The following C1QL3 variants were observed in gnomAD, a reference collection of about 807,000 sequenced individuals.
C1QL3 encodes complement C1q like 3, also known as complement C1q-like protein 3.
C1QL3 carries 4 observed loss-of-function variants against 16.6 expected under a neutral mutation model. That is an observed-to-expected ratio of 0.24 (90% CI 0.12 to 0.55). C1QL3 has a LOEUF of 0.55. Ranked by LOEUF, C1QL3 falls within the 20% of genes least tolerant of loss-of-function variation. The probability of loss-of-function intolerance (pLI) is 0.94; values close to 1 mark genes in which losing one functional copy is unlikely to be tolerated. For synonymous variants in C1QL3, 189 were observed against 160.2 expected (o/e 1.18, Z -1.36); for missense variants, 269 against 365.6 (o/e 0.74, Z 2.16).
intron 1 of C1QL3, among the ~76,000 whole-genome samples, chr10:16,514,933 T>C (rs1226449037): frequency 2.0e-5 from 3 of 152,160 alleles, no homozygotes. Flanking sequence ...GTGGGGACCA[T>C]TCTGGCAGTC....
rs1024027219 is a variant in C1QL3, at chr10:16,520,008, G to C, written c.588+470C>G. 5.9e-5 allele frequency among the ~76,000 whole-genome samples: 9 copies of C among 152,064 alleles called. No homozygotes were observed. Among genetic ancestry groups the C allele is most frequent in the Non-Finnish European group, 1.2e-4 (8 of 68,010 alleles). On this transcript the variant is annotated intron_variant, in intron 1 of 1. Transcript: ENST00000298943. The surrounding 1 kb of genome is among the most constrained non-coding windows in gnomAD (Gnocchi z 8.3). The stretch of plus-strand genomic sequence containing the variant: ...TTGGACTCATTCCTTCGGGGCCCTT[G>C]TTTCTCCCTCCGGCCTTTGTCTACC...
rs1002774331 is a variant in C1QL3 at position 16,521,490 on chromosome 10, C to G, written c.-425G>C. 2.9e-4 allele frequency: 47 copies of G among 160,716 alleles called. No individual in the cohort carries two copies. Among genetic ancestry groups the G allele is most frequent in the Non-Finnish European group, 5.0e-4 (37 of 73,618 alleles). The allele number at this position is 160,716 out of a possible 1,614,324, so 10.0% of individuals were successfully genotyped here. On this transcript the variant is annotated 5_prime_UTR_variant, in exon 1 of 2. Coordinates refer to ENST00000298943, the MANE Select transcript of C1QL3 (RefSeq NM_001010908.2). The stretch of plus-strand genomic sequence containing the variant: ...GGCAGCTCACACTTTTATGCCGCCG[C>G]CGCCTGCGATCGACTTTTCCGTTTT...
In C1QL3 at chr10:16,520,441, T is replaced by TCCCACCCCCCCCCCCCCCCCC; in HGVS notation, c.588+36_588+37insGGGGGGGGGGGGGGGGGTGGG. On this transcript the variant is annotated intron_variant, in intron 1 of 1. Coordinates refer to ENST00000298943, the MANE Select transcript of C1QL3 (RefSeq NM_001010908.2). This position sits in a 1 kb window ranked among gnomAD's most constrained non-coding sequence, Gnocchi z 8.3. ...CCCTCTCGCCCGCACCTTCCCGCGC[T>TCCCACCCCCCCCCCCCCCCCC]CCCTCCCCGCCCTCCCCGCCGCCCG... 8.1e-7 allele frequency: 1 copy of TCCCACCCCCCCCCCCCCCCCC among 1,227,532 alleles called. No individual in the cohort carries two copies. The highest frequency in any genetic ancestry group is 1.1e-6 in the Non-Finnish European group (1 of 881,044). The allele number at this position is 1,227,532 out of a possible 1,614,324, so 76.0% of individuals were successfully genotyped here. A position where few individuals can be genotyped will look rare whatever the true frequency, so the allele number is the denominator to read the frequency against.
chr10:16,515,214 T>G (rs1836931182), intron 1 of C1QL3, among the ~76,000 whole-genome samples: 1 of 140,808 alleles, frequency 7.1e-6, no homozygotes, highest in Admixed American at 7.2e-5. Flanking sequence ...ACTCCTCTAC[T>G]ACTTACAAAG....
Position 16,514,373 on chromosome 10 carries a change from G to T in C1QL3, c.*155C>A. On this transcript the variant is annotated 3_prime_UTR_variant, in exon 2 of 2. Coordinates refer to ENST00000298943, the MANE Select transcript of C1QL3 (RefSeq NM_001010908.2). ...GATATTTTTTACATAATGTTTCTGAGTGATACAGATGTGAGTCAGGTAGCA... is the reference window on the plus strand; with the variant it reads ...GATATTTTTTACATAATGTTTCTGATTGATACAGATGTGAGTCAGGTAGCA... 1.6e-6 allele frequency: 1 copy of T among 622,226 alleles called. No homozygotes were observed. Among genetic ancestry groups the T allele is most frequent in the Non-Finnish European group, 2.8e-6 (1 of 352,574 alleles). The allele number at this position is 622,226 out of a possible 1,614,324, so 38.5% of individuals were successfully genotyped here.
rs149750807 is a variant in C1QL3, at chr10:16,520,158, G to C, written c.588+320C>G. Among the ~76,000 whole-genome samples the C allele has an allele frequency of 0.014, 2,104 of 152,210 alleles. 46 individuals are homozygous for C. The highest frequency in any genetic ancestry group is 0.048 in the African/African-American group (1,978 of 41,544). ...ACGGCCAGGGGTCGCTTCCCGCGCC[G>C]GGACTCCCCAGCGCACGAGCTGTCC... is the stretch of plus-strand genomic sequence containing the variant. On this transcript the variant is annotated intron_variant, in intron 1 of 1. Transcript: ENST00000298943. This position sits in a 1 kb window ranked among gnomAD's most constrained non-coding sequence, Gnocchi z 8.3.
At position 16,514,223 on chromosome 10, in the gene C1QL3, A is replaced by G. The variant is rs1315898794; in HGVS notation, c.*305T>C. 4.6e-6 allele frequency: 2 copies of G among 430,582 alleles called. No homozygotes were observed. The highest frequency in any genetic ancestry group is 4.1e-6 in the Non-Finnish European group (1 of 246,074). The allele number at this position is 430,582 out of a possible 1,614,324, so 26.7% of individuals were successfully genotyped here. A position where few individuals can be genotyped will look rare whatever the true frequency, so the allele number is the denominator to read the frequency against. ...AAAGTATCATATATATAGAAGAAAT[A>G]ATTCAATGTCTTAGATTTGTCTATA... On this transcript the variant is annotated 3_prime_UTR_variant, in exon 2 of 2. Coordinates refer to ENST00000298943, the MANE Select transcript of C1QL3 (RefSeq NM_001010908.2).
chr10:16,520,622 C>G lies in C1QL3; in HGVS notation c.444G>C (p.Val148=). The change falls in exon 1 of 2, where the codon GTG becomes GTC. Residue 148 remains valine (V), a synonymous_variant. Coordinates refer to ENST00000298943, the MANE Select transcript of C1QL3 (RefSeq NM_001010908.2). The surrounding 1 kb of genome is among the most constrained non-coding windows in gnomAD (Gnocchi z 8.3). Reference sequence around the variant, plus strand: ...CGTAGTGGTTTCCGAGGTTGGTGACCACGTCGTCGAACTTGAGCACCTCGT... The same window carrying G: ...CGTAGTGGTTTCCGAGGTTGGTGACGACGTCGTCGAACTTGAGCACCTCGT... ...EGYEVLKFDD[V]VTNLGNHYDP... The G allele has an allele frequency of 5.0e-6, 8 of 1,613,706 alleles. No homozygotes were observed. Among genetic ancestry groups the G allele is most frequent in the Non-Finnish European group, 6.8e-6 (8 of 1,179,800 alleles).
rs781482085 is a variant in C1QL3, at chr10:16,520,586, G to C, written c.480C>G (p.Thr160=). The part of the protein sequence containing the change: ...TNLGNHYDPT[T]GKFTCSIPGI... ...CCGGGATGGAGCAGGTGAACTTGCC[G>C]GTGGTGGGGTCGTAGTGGTTTCCGA... The change falls in exon 1 of 2, where the codon ACC becomes ACG. Residue 160 remains threonine (T), a synonymous_variant. Transcript: ENST00000298943. This position sits in a 1 kb window ranked among gnomAD's most constrained non-coding sequence, Gnocchi z 8.3. 2.0e-5 allele frequency: 33 copies of C among 1,613,658 alleles called. No individual in the cohort carries two copies. The highest frequency in any genetic ancestry group is 2.7e-5 in the Non-Finnish European group (32 of 1,179,818).
At chr10:16,517,100 A>C (rs1836963386) in intron 1 of C1QL3, among the ~76,000 whole-genome samples, 1 of 152,194 alleles carries the variant, frequency 6.6e-6, no homozygotes, top group Non-Finnish European at 1.5e-5. Flanking sequence ...TTCACCCTGG[A>C]GGCTGTTTCC....
At chr10:16,517,184 C>T (rs561085146) in intron 1 of C1QL3, among the ~76,000 whole-genome samples, 33 of 152,252 alleles carry the variant, frequency 2.2e-4, no homozygotes, top group African/African-American at 7.7e-4. Context: ...CGCAATCAAC[C>T]GATTTCTACC....
chr10:16,521,254 G>T lies in C1QL3; in HGVS notation c.-189C>A, dbSNP rs1342336358. On this transcript the variant is annotated 5_prime_UTR_variant, in exon 1 of 2. Transcript: ENST00000298943. ...CGTGCGTGCGCCGGCCGCTGCTGCCGACTCCTGCTCCCCCCGCGGAGGCTG... is the reference window on the plus strand; with the variant it reads ...CGTGCGTGCGCCGGCCGCTGCTGCCTACTCCTGCTCCCCCCGCGGAGGCTG... The T allele has an allele frequency of 5.3e-6, 3 of 569,120 alleles. No homozygotes were observed. The South Asian group carries it at 6.5e-5, about 12-fold the overall frequency. 35.3% of individuals were successfully genotyped at this position (569,120 alleles called of 1,614,324 possible).
At chr10:16,517,006 G>T (rs1836962394) in intron 1 of C1QL3, among the ~76,000 whole-genome samples, 2 of 152,150 alleles carry the variant, frequency 1.3e-5, no homozygotes, top group Non-Finnish European at 2.9e-5. Flanking sequence ...GATATAACAG[G>T]ACTTGAAATT....
intron 1 of C1QL3, among the ~76,000 whole-genome samples, chr10:16,517,111 A>G (rs901792774): frequency 2.0e-5 from 3 of 152,204 alleles, no homozygotes; most frequent in African/African-American, 7.2e-5. Context: ...GGCTGTTTCC[A>G]GATTCCTAAA....
At chr10:16,519,989 T>C (rs1837014474) in intron 1 of C1QL3, among the ~76,000 whole-genome samples, 1 of 152,132 alleles carries the variant, frequency 6.6e-6, no homozygotes, top group East Asian at 1.9e-4. Flanking sequence ...CTGCTTGGAC[T>C]CATTCCTTCG....
chr10:16,518,316 T>C (rs1437191730), intron 1 of C1QL3, among the ~76,000 whole-genome samples: 1 of 151,486 alleles, frequency 6.6e-6, no homozygotes, highest in African/African-American at 2.4e-5. Flanking sequence ...CACACTGAAC[T>C]AAAAAAAAAT....
rs1202517019 is a variant in C1QL3, at chr10:16,514,229, A to G, written c.*299T>C. The G allele has an allele frequency of 9.3e-6, 4 of 431,332 alleles. No homozygotes were observed. Among genetic ancestry groups the G allele is most frequent in the South Asian group, 8.3e-5 (1 of 12,010 alleles). 26.7% of individuals were successfully genotyped at this position (431,332 alleles called of 1,614,324 possible). ...TCATATATATAGAAGAAATAATTCA[A>G]TGTCTTAGATTTGTCTATAAAAATT... is the stretch of plus-strand genomic sequence containing the variant. On this transcript the variant is annotated 3_prime_UTR_variant, in exon 2 of 2. Coordinates refer to ENST00000298943, the MANE Select transcript of C1QL3 (RefSeq NM_001010908.2).
At chr10:16,516,185 C>T (rs1199616646) in intron 1 of C1QL3, among the ~76,000 whole-genome samples, 2 of 152,108 alleles carry the variant, frequency 1.3e-5, no homozygotes, top group African/African-American at 4.8e-5. Context: ...TACTAACAGG[C>T]ACTAATATAA....
Position 16,521,086 on chromosome 10 carries a change from C to T in C1QL3, c.-21G>A, listed in dbSNP as rs1371832874. The T allele has an allele frequency of 6.3e-7, 1 of 1,582,506 alleles. No individual in the cohort carries two copies. Among genetic ancestry groups the T allele is most frequent in the Non-Finnish European group, 8.5e-7 (1 of 1,170,436 alleles). ...ACCATCACCACCCCCAGCGCCCCGG[C>T]GGCGATCAGGCGCCTCCTGCTGCCC... On this transcript the variant is annotated 5_prime_UTR_variant, in exon 1 of 2. Transcript: ENST00000298943.
Sources: allele counts gnomAD v4.1 joint callset (sites outside exome capture counted in the v4.1 genomes callset), GRCh38; gene constraint gnomAD v4.1.1; non-coding constraint Gnocchi (gnomAD v3.1); transcripts MANE v1.5; gene names NCBI Gene and HGNC (gene_info 2026-07-23, HGNC 2026-07-21).